Variants in EPHA3 observed in about 807,000 individuals in gnomAD.
EPHA3 encodes the protein EPH receptor A3, also known as ephrin type-A receptor 3.
Under a neutral mutation model 107.1 loss-of-function variants are expected in EPHA3, and 42 were observed. The ratio of observed to expected loss-of-function variants is 0.39; its 90% CI spans 0.31 to 0.51. EPHA3 has a LOEUF of 0.51. EPHA3 is among the 20% of genes least tolerant of loss of function. EPHA3 has a pLI of 0.78. For synonymous variants in EPHA3, 461 were observed against 424.8 expected, an observed-to-expected ratio of 1.09 and a Z score of -1.05; for missense variants, 1,183 against 1,211.2, an observed-to-expected ratio of 0.98 and a Z score of 0.35.
At chr3:89,467,795 A>G (rs1319799279) in intron 15 of EPHA3, among the ~76,000 whole-genome samples, 1 of 152,218 alleles carries the variant, frequency 6.6e-6, no homozygotes, top group Non-Finnish European at 1.5e-5. Flanking sequence ...CCCTGAGCAA[A>G]TATGTAATTT....
At chr3:89,124,119 T>G (rs1482974678) in intron 1 of EPHA3, among the ~76,000 whole-genome samples, 1 of 152,198 alleles carries the variant, frequency 6.6e-6, no homozygotes, top group Non-Finnish European at 1.5e-5. Context: ...CACAGTAGTA[T>G]ATTTGTATGT....
intron 3 of EPHA3, among the ~76,000 whole-genome samples, chr3:89,278,478 A>G (rs1342629687): frequency 6.6e-6 from 1 of 152,138 alleles, no homozygotes; most frequent in Non-Finnish European, 1.5e-5. Flanking sequence ...GCCGTTGCTA[A>G]ACAATCCAGT....
At chr3:89,230,805 CCCTCTCTCTCTCTCT>C (rs1704612914) in intron 3 of EPHA3, among the ~76,000 whole-genome samples, 1 of 138,850 alleles carries the variant, frequency 7.2e-6, no homozygotes, top group Non-Finnish European at 1.5e-5. Flanking sequence ...CTCTCTCTCT[CCCTCTCTCTCTCTCT>C]CTCTCACACA....
intron 3 of EPHA3, among the ~76,000 whole-genome samples, chr3:89,236,128 TA>T (rs934278976): frequency 1.3e-5 from 2 of 152,142 alleles, no homozygotes; most frequent in African/African-American, 2.4e-5. Flanking sequence ...ATCTTCCATC[TA>T]AATTTAATAT....
At chr3:89,390,675 T>A (rs1708709055) in intron 5 of EPHA3, among the ~76,000 whole-genome samples, 1 of 151,968 alleles carries the variant, frequency 6.6e-6, no homozygotes, top group Admixed American at 6.6e-5. Flanking sequence ...ATGTTGCTGA[T>A]TCAAGAGGCT....
chr3:89,346,222 A>T (rs1480465202), intron 5 of EPHA3, among the ~76,000 whole-genome samples: 1 of 125,930 alleles, frequency 7.9e-6, no homozygotes, highest in Non-Finnish European at 1.7e-5. Context: ...GAACTAGTTT[A>T]CAGTCCCACC....
At chr3:89,158,599 A>G (rs1376862312) in intron 2 of EPHA3, among the ~76,000 whole-genome samples, 4 of 152,178 alleles carry the variant, frequency 2.6e-5, no homozygotes, top group Non-Finnish European at 5.9e-5. Flanking sequence ...TCCCAGATTC[A>G]TAATAAATGA....
intron 13 of EPHA3, among the ~76,000 whole-genome samples, chr3:89,441,363 A>G (rs1709780745): frequency 1.3e-5 from 2 of 152,326 alleles, no homozygotes; most frequent in East Asian, 3.9e-4. Flanking sequence ...GATACACTCC[A>G]TATGCTATGA....
chr3:89,367,022 A>G (rs568798794), intron 5 of EPHA3, among the ~76,000 whole-genome samples: 4 of 150,234 alleles, frequency 2.7e-5, no homozygotes, highest in African/African-American at 4.9e-5. Context: ...GTTCTCATCA[A>G]CCCTCATCTT....
At chr3:89,337,096 A>G (rs1230409888) in intron 3 of EPHA3, among the ~76,000 whole-genome samples, 1 of 152,002 alleles carries the variant, frequency 6.6e-6, no homozygotes, top group Non-Finnish European at 1.5e-5. Context: ...CAAAAATCCT[A>G]AATCCTAGAG....
chr3:89,262,328 TGG>T (rs1705435689), intron 3 of EPHA3, among the ~76,000 whole-genome samples: 2 of 152,244 alleles, frequency 1.3e-5, no homozygotes, highest in African/African-American at 2.4e-5. Flanking sequence ...GCTAGAAGTC[TGG>T]AATCAAAATA....
At chr3:89,274,253 T>A (rs1705750448) in intron 3 of EPHA3, among the ~76,000 whole-genome samples, 1 of 152,012 alleles carries the variant, frequency 6.6e-6, no homozygotes, top group African/African-American at 2.4e-5. Flanking sequence ...ATAATTGATG[T>A]TTTGTATGCT....
At chr3:89,383,868 T>A (rs2107488851) in intron 5 of EPHA3, among the ~76,000 whole-genome samples, 1 of 151,978 alleles carries the variant, frequency 6.6e-6, no homozygotes, top group South Asian at 2.1e-4. Context: ...CAGGATTGTC[T>A]CGATCTCCTG....
At chr3:89,237,935 C>T (rs1475797318) in intron 3 of EPHA3, among the ~76,000 whole-genome samples, 5 of 151,002 alleles carry the variant, frequency 3.3e-5, no homozygotes, top group Non-Finnish European at 7.4e-5. Flanking sequence ...GCTATGATTG[C>T]ACCACTGCAC....
intron 3 of EPHA3, among the ~76,000 whole-genome samples, chr3:89,224,987 T>C (rs1559608697): frequency 2.0e-5 from 3 of 152,066 alleles, no homozygotes; most frequent in Non-Finnish European, 4.4e-5. Context: ...AGCTTTCCAG[T>C]TTAAATAAAA....
chr3:89,319,598 G>T (rs1296638723), intron 3 of EPHA3, among the ~76,000 whole-genome samples: 1 of 151,830 alleles, frequency 6.6e-6, no homozygotes. Flanking sequence ...GCTCATAGAA[G>T]CTCAGCACAA....
intron 2 of EPHA3, among the ~76,000 whole-genome samples, chr3:89,144,478 T>A (rs1704494122): frequency 6.6e-6 from 1 of 151,742 alleles, no homozygotes; most frequent in African/African-American, 2.4e-5. Flanking sequence ...CTTATTGAGG[T>A]GTGCTTCTTT....
chr3:89,328,268 T>A (rs1294256665), intron 3 of EPHA3, among the ~76,000 whole-genome samples: 5 of 152,134 alleles, frequency 3.3e-5, no homozygotes, highest in Non-Finnish European at 7.4e-5. Context: ...TAACATGTAG[T>A]AGACAGTCCA....
At chr3:89,190,672 A>G (rs1408388334) in intron 2 of EPHA3, among the ~76,000 whole-genome samples, 1 of 152,166 alleles carries the variant, frequency 6.6e-6, no homozygotes, top group Non-Finnish European at 1.5e-5. Flanking sequence ...AAACCCCAAA[A>G]TAATATATTC....
Sources: gnomAD v4.1 joint callset for allele counts (sites outside exome capture counted in the v4.1 genomes callset) on GRCh38, gnomAD v4.1.1 for gene constraint, MANE v1.5 for transcripts, NCBI Gene and HGNC (gene_info 2026-07-23, HGNC 2026-07-21) for gene names.